The following PATJ variants were observed in gnomAD, a reference collection of about 807,000 sequenced individuals.
PATJ encodes PATJ crumbs cell polarity complex component, also known as inaD-like protein.
PATJ carries 190 observed loss-of-function variants against 224.9 expected under a neutral mutation model. That is an observed-to-expected ratio of 0.84 (90% CI 0.75 to 0.95). PATJ has a LOEUF of 0.95. Ranked by LOEUF, PATJ falls within the 40% of genes least tolerant of loss-of-function variation. The pLI is 0.00. For synonymous variants in PATJ, 769 were observed against 820.3 expected, an observed-to-expected ratio of 0.94 and a Z score of 1.07; for missense variants, 2,121 against 2,270.3, an observed-to-expected ratio of 0.93 and a Z score of 1.34.
At chr1:61,901,092 A>T (rs910155920) in intron 23 of PATJ, among the ~76,000 whole-genome samples, 190 bp from the exon 24 acceptor site, 3 of 152,234 alleles carry the variant, frequency 2.0e-5, no homozygotes, top group Non-Finnish European at 4.4e-5. Flanking sequence ...TCAGAACTAA[A>T]ACTTTCATTT....
chr1:61,771,675 TC>T (rs1317629604), intron 6 of PATJ, 49 bp downstream of exon 6: 1 of 1,329,178 alleles, frequency 7.5e-7, no homozygotes, highest in African/African-American at 1.5e-5. Flanking sequence ...ATGCCATTGA[TC>T]GTAAGAAGTG....
At chr1:61,774,042 C>T (rs1189712738) in intron 6 of PATJ, among the ~76,000 whole-genome samples, 1 of 146,714 alleles carries the variant, frequency 6.8e-6, no homozygotes, top group East Asian at 2.0e-4. Flanking sequence ...ATGGCGTGAA[C>T]CTGGGAGGTG....
intron 22 of PATJ, 124 bp from the exon 23 acceptor site, chr1:61,899,459 A>T (rs1670822008): frequency 1.8e-6 from 1 of 563,576 alleles, no homozygotes. Flanking sequence ...TAAATATTTT[A>T]AAAACTTAAA....
intron 26 of PATJ, among the ~76,000 whole-genome samples, chr1:61,915,666 T>C (rs1470479124): frequency 6.6e-6 from 1 of 151,240 alleles, no homozygotes; most frequent in Admixed American, 6.6e-5. Flanking sequence ...TTATTTCTTT[T>C]AATTAATTTT....
intron 27 of PATJ, among the ~76,000 whole-genome samples, chr1:61,937,967 T>C (rs1677152239): frequency 6.6e-6 from 1 of 152,166 alleles, no homozygotes; most frequent in Non-Finnish European, 1.5e-5. Context: ...TTGCCTTTTT[T>C]TGTATCTGAA....
chr1:61,958,832 T>C (rs1273114843), intron 27 of PATJ, among the ~76,000 whole-genome samples: 1 of 152,188 alleles, frequency 6.6e-6, no homozygotes, highest in Non-Finnish European at 1.5e-5. Flanking sequence ...GTAAAATGAG[T>C]GTGAGACTAA....
intron 27 of PATJ, among the ~76,000 whole-genome samples, chr1:61,938,946 C>A (rs61775617): frequency 3.3e-5 from 5 of 151,270 alleles, no homozygotes; most frequent in South Asian, 2.1e-4. Context: ...TGGTGAAACA[C>A]CGTCTCTACT....
rs745864789 is a variant in PATJ, at chr1:61,805,562, C to T, written c.1626+38C>T. 3.4e-6 allele frequency: 4 copies of T among 1,180,494 alleles called. No homozygotes were observed. In the African/African-American group the frequency reaches 6.0e-5, roughly 18 times the overall value. The allele number at this position is 1,180,494 out of a possible 1,614,324, so 73.1% of individuals were successfully genotyped here. A position where few individuals can be genotyped will look rare whatever the true frequency, so the allele number is the denominator to read the frequency against. ...GCTCTAATAAAAAACATTCATGTCTCATTTCACATCAAGTTTCTAACAGTA... is the reference window on the plus strand; with the variant it reads ...GCTCTAATAAAAAACATTCATGTCTTATTTCACATCAAGTTTCTAACAGTA... On this transcript the variant is annotated intron_variant, in intron 13 of 43. Coordinates refer to ENST00000642238, the MANE Select transcript of PATJ (RefSeq NM_001350145.3).
chr1:61,824,508 G>T (rs192208046), intron 15 of PATJ, among the ~76,000 whole-genome samples: 1 of 150,146 alleles, frequency 6.7e-6, no homozygotes, highest in Admixed American at 6.7e-5. Context: ...TTACTGCAGC[G>T]TCAAACTCCT....
chr1:62,082,566 T>C (rs1659415663), intron 32 of PATJ, among the ~76,000 whole-genome samples: 1 of 152,200 alleles, frequency 6.6e-6, no homozygotes, highest in Non-Finnish European at 1.5e-5. Flanking sequence ...TACCAGAGAT[T>C]GACAAGCTTT....
intron 27 of PATJ, among the ~76,000 whole-genome samples, chr1:61,938,057 G>A (rs558247799): frequency 1.3e-5 from 2 of 152,266 alleles, no homozygotes; most frequent in South Asian, 2.1e-4. Flanking sequence ...TCTTGGTACT[G>A]TTGCTGTCTT....
At chr1:62,132,316 A>T (rs1666344335) in intron 41 of PATJ, among the ~76,000 whole-genome samples, 1 of 152,198 alleles carries the variant, frequency 6.6e-6, no homozygotes, top group South Asian at 2.1e-4. Flanking sequence ...TGGCCAACAT[A>T]GAGAAACCTT....
intron 28 of PATJ, among the ~76,000 whole-genome samples, chr1:62,010,161 C>T (rs1377135212): frequency 6.6e-6 from 1 of 151,670 alleles, no homozygotes; most frequent in Non-Finnish European, 1.5e-5. Context: ...CTGTTCAAGT[C>T]TGATCGTGAG....
chr1:62,009,451 C>T (rs751325859), intron 28 of PATJ, among the ~76,000 whole-genome samples: 3 of 152,134 alleles, frequency 2.0e-5, no homozygotes, highest in Admixed American at 6.5e-5. Flanking sequence ...AAATTGCTAA[C>T]GATCATCTAA....
At chr1:61,960,388 G>A (rs976351652) in intron 27 of PATJ, among the ~76,000 whole-genome samples, 2 of 152,156 alleles carry the variant, frequency 1.3e-5, no homozygotes, top group African/African-American at 4.8e-5. Flanking sequence ...CTGGCCAGGT[G>A]CAGTGGTTCA....
intron 20 of PATJ, among the ~76,000 whole-genome samples, chr1:61,869,478 T>A (rs1306530982): frequency 6.6e-6 from 1 of 152,178 alleles, no homozygotes; most frequent in Non-Finnish European, 1.5e-5. Flanking sequence ...ACTCTCAATC[T>A]TCCTGGGGGT....
chr1:61,752,227 A>C (rs1645375007), intron 1 of PATJ, among the ~76,000 whole-genome samples: 1 of 151,496 alleles, frequency 6.6e-6, no homozygotes, highest in South Asian at 2.1e-4. Flanking sequence ...ATTGATATGC[A>C]TTGGTTAACT....
At chr1:61,826,711 TTTTAAAC>T (rs1658334082) in intron 15 of PATJ, among the ~76,000 whole-genome samples, 1 of 152,244 alleles carries the variant, frequency 6.6e-6, no homozygotes, top group African/African-American at 2.4e-5. Context: ...TACTTTTTTC[TTTTAAAC>T]ATATGAGACA....
chr1:62,053,347 C>T (rs553835222), intron 31 of PATJ, among the ~76,000 whole-genome samples: 1 of 152,270 alleles, frequency 6.6e-6, no homozygotes, highest in South Asian at 2.1e-4. Context: ...TCTGCATGTT[C>T]TAGTTCAGAA....
Sources: allele counts gnomAD v4.1 joint callset (sites outside exome capture counted in the v4.1 genomes callset), GRCh38; gene constraint gnomAD v4.1.1; transcripts MANE v1.5; gene names NCBI Gene and HGNC (gene_info 2026-07-23, HGNC 2026-07-21).